The following LMLN variants were observed in gnomAD, a reference collection of about 807,000 sequenced individuals.
LMLN encodes leishmanolysin like peptidase, also known as leishmanolysin-like peptidase.
LMLN carries 70 observed loss-of-function variants against 92.3 expected under a neutral mutation model. That is an observed-to-expected ratio of 0.76 (90% CI 0.63 to 0.92). LMLN has a LOEUF of 0.92. LMLN is among the 40% of genes least tolerant of loss of function. The pLI, the probability that LMLN is intolerant of heterozygous loss-of-function variation, is 0.00. For synonymous variants in LMLN, 308 were observed against 296.2 expected, an observed-to-expected ratio of 1.04 and a Z score of -0.41; for missense variants, 691 against 814.6, an observed-to-expected ratio of 0.85 and a Z score of 1.85.
chr3:198,020,766 G>GTTTGTTTTTTTTTTTTT (rs1260852398), intron 12 of LMLN, among the ~76,000 whole-genome samples: 1 of 25,632 alleles, frequency 3.9e-5, no homozygotes, highest in African/African-American at 1.8e-4. Context: ...GCTAATTTTT[G>GTTTGTTTTTTTTTTTTT]TATTTTTTTT....
chr3:198,008,986 T>C (rs2109913978), intron 11 of LMLN, among the ~76,000 whole-genome samples: 1 of 152,342 alleles, frequency 6.6e-6, no homozygotes, highest in African/African-American at 2.4e-5. Flanking sequence ...AATTCCATTG[T>C]TGCAAGAGAG....
intron 1 of LMLN, among the ~76,000 whole-genome samples, chr3:197,969,550 A>C (rs1276579829): frequency 6.6e-6 from 1 of 152,088 alleles, no homozygotes; most frequent in Non-Finnish European, 1.5e-5. Context: ...ATTCTAGTCG[A>C]ATTTTGTTAT....
intron 9 of LMLN, among the ~76,000 whole-genome samples, chr3:197,995,029 C>A (rs1188556119): frequency 6.6e-6 from 1 of 152,196 alleles, no homozygotes; most frequent in Non-Finnish European, 1.5e-5. Flanking sequence ...TAGGTTGGAA[C>A]TGCTCAGGTC....
chr3:198,022,993 G>C (rs1277224628), intron 13 of LMLN, among the ~76,000 whole-genome samples: 1 of 152,162 alleles, frequency 6.6e-6, no homozygotes, highest in Non-Finnish European at 1.5e-5. Context: ...TATTGTTTTA[G>C]AGCTGGAGCT....
exon 14 of LMLN, chr3:198,024,759 T>A: frequency 6.2e-7 from 1 of 1,611,064 alleles, no homozygotes; most frequent in South Asian, 1.1e-5. Flanking sequence ...GAAGCTGAGT[T>A]ACCCAGACTG....
chr3:198,034,721 G>A (rs968634850), intron 14 of LMLN, among the ~76,000 whole-genome samples: 12 of 152,056 alleles, frequency 7.9e-5, no homozygotes, highest in South Asian at 6.2e-4. Flanking sequence ...TAGCTATCAC[G>A]TGCAAATGAG....
At chr3:198,007,188 T>C (rs1374096881) in intron 11 of LMLN, among the ~76,000 whole-genome samples, 1 of 152,246 alleles carries the variant, frequency 6.6e-6, no homozygotes, top group East Asian at 1.9e-4. Context: ...TTTTTAGTTT[T>C]GACGGAGTCC....
At chr3:197,988,481 C>CTTTTTTTTTTTTTTTTTTT (rs67505779) in intron 8 of LMLN, among the ~76,000 whole-genome samples, 1 of 42,016 alleles carries the variant, frequency 2.4e-5, no homozygotes, top group Non-Finnish European at 4.0e-5. Flanking sequence ...GGATTTACCC[C>CTTTTTTTTTTTTTTTTTTT]TTTTTTTTTT....
intron 13 of LMLN, among the ~76,000 whole-genome samples, 191 bp from the exon 15 acceptor site, chr3:198,024,467 A>G (rs558394051): frequency 2.6e-5 from 4 of 152,264 alleles, no homozygotes; most frequent in East Asian, 1.9e-4. Flanking sequence ...TGCCCACCTC[A>G]GCCTCACAAA....
At chr3:198,015,214 C>T (rs1722594885) in intron 11 of LMLN, among the ~76,000 whole-genome samples, 4 of 139,632 alleles carry the variant, frequency 2.9e-5, no homozygotes, top group African/African-American at 5.5e-5. Flanking sequence ...CCTTTCAGAG[C>T]CTCCTAACTA....
intron 1 of LMLN, among the ~76,000 whole-genome samples, chr3:197,972,157 C>T (rs561225017): frequency 4.6e-5 from 7 of 151,762 alleles, no homozygotes; most frequent in African/African-American, 7.2e-5. Flanking sequence ...CACCGTCTCC[C>T]GAGTTCAAGC....
At chr3:197,989,606 A>G (rs554037661) in intron 8 of LMLN, among the ~76,000 whole-genome samples, 15 of 152,354 alleles carry the variant, frequency 9.8e-5, no homozygotes, top group African/African-American at 3.4e-4. Context: ...ATTCATCGTC[A>G]TCTTAGCCAA....
intron 11 of LMLN, among the ~76,000 whole-genome samples, chr3:198,008,934 T>C (rs572860814): frequency 5.9e-5 from 9 of 152,310 alleles, no homozygotes; most frequent in South Asian, 2.1e-4. Flanking sequence ...TCCAGCTATT[T>C]TGAGATGTTC....
intron 11 of LMLN, among the ~76,000 whole-genome samples, chr3:198,010,161 G>T (rs368857716): frequency 2.0e-5 from 3 of 151,930 alleles, no homozygotes; most frequent in African/African-American, 2.4e-5. Context: ...TTATGATGAT[G>T]ATTATTTTTT....
chr3:197,980,826 C>T, intron 6 of LMLN: 1 of 229,040 alleles, frequency 4.4e-6, no homozygotes. Context: ...GTCAAGTGGG[C>T]CAAGTGTGGT....
intron 11 of LMLN, among the ~76,000 whole-genome samples, chr3:198,010,876 AATATGTTATAT>A (rs1722414842): frequency 6.6e-6 from 1 of 152,198 alleles, no homozygotes; most frequent in Non-Finnish European, 1.5e-5. Context: ...CACAAATTCC[AATATGTTATAT>A]TTTTATTTTC....
In LMLN at chr3:198,024,752, GC is replaced by G. The variant is rs763961955; in HGVS notation, c.1621del (p.Leu541Ter). 6.2e-7 allele frequency: 1 copy of G among 1,611,528 alleles called. No individual in the cohort carries two copies. Among genetic ancestry groups the G allele is most frequent in the South Asian group, 1.1e-5 (1 of 90,510 alleles). On this transcript the variant is annotated frameshift_variant, in exon 14 of 16. Coordinates refer to ENST00000330198, the Ensembl canonical transcript of LMLN. LOFTEE classifies it high-confidence loss of function. ...TCGTTATGGAGAAGTGTGAGAGGAA[GC>G]TGAGTTACCCAGACTGGGGAAGCGG... is the stretch of plus-strand genomic sequence containing the variant.
rs140474786 is a variant in LMLN, at chr3:198,029,542, G to A, written c.1656+4754G>A. The stretch of plus-strand genomic sequence containing the variant: ...CAAAAATTAGCCGGGCATGGTGGCC[G>A]CCTGCCTGTGATCCCAGATATTCAG... On this transcript the variant is annotated intron_variant, in intron 14 of 15. Coordinates refer to ENST00000330198, the Ensembl canonical transcript of LMLN. 2.2e-3 allele frequency among the ~76,000 whole-genome samples: 336 copies of A among 152,160 alleles called. 3 individuals carry two copies. The highest frequency in any genetic ancestry group is 7.9e-3 in the African/African-American group (329 of 41,502).
chr3:198,029,263 A>G (rs1424257651), intron 14 of LMLN, among the ~76,000 whole-genome samples: 1 of 152,194 alleles, frequency 6.6e-6, no homozygotes, highest in East Asian at 1.9e-4. Context: ...ACAGTTTCCT[A>G]ACTAATTTCC....
Sources: allele counts gnomAD v4.1 joint callset (sites outside exome capture counted in the v4.1 genomes callset), GRCh38; gene constraint gnomAD v4.1.1; transcripts MANE v1.5; gene names NCBI Gene and HGNC (gene_info 2026-07-23, HGNC 2026-07-21).